LARS2: variants seen among roughly 807,000 people sequenced by gnomAD.
LARS2 encodes leucyl-tRNA synthetase 2, mitochondrial, also known as leucine--tRNA ligase, mitochondrial.
In LARS2, 81 loss-of-function variants were observed where a neutral mutation model predicts 116.6. That is an observed-to-expected ratio of 0.69 (90% CI 0.58 to 0.84). LARS2 has a LOEUF of 0.84. Ranked by LOEUF, LARS2 falls within the 40% of genes least tolerant of loss-of-function variation. LARS2 has a pLI of 0.00. For synonymous variants in LARS2, 396 were observed against 407.2 expected (o/e 0.97, Z 0.33); for missense variants, 968 against 1,114.5 (o/e 0.87, Z 1.87).
At chr3:45,537,021 G>C (rs1426416601) in intron 20 of LARS2, among the ~76,000 whole-genome samples, 3 of 149,934 alleles carry the variant, frequency 2.0e-5, no homozygotes, top group African/African-American at 5.1e-5. Flanking sequence ...TCCTTCTTTT[G>C]CTCTGTGTGT....
chr3:45,528,751 C>A (rs1407287013), intron 20 of LARS2, among the ~76,000 whole-genome samples: 1 of 152,158 alleles, frequency 6.6e-6, no homozygotes, highest in African/African-American at 2.4e-5. Flanking sequence ...TATAGTAGTT[C>A]ATTCCCTTTT....
At chr3:45,451,321 A>G (rs190309504) in intron 7 of LARS2, among the ~76,000 whole-genome samples, 46 of 150,678 alleles carry the variant, frequency 3.1e-4, no homozygotes, top group African/African-American at 1.0e-3. Flanking sequence ...TTATTCTACT[A>G]GTTTCATAGT....
chr3:45,487,689 A>G (rs1251295987), intron 11 of LARS2, among the ~76,000 whole-genome samples: 1 of 152,068 alleles, frequency 6.6e-6, no homozygotes, highest in Non-Finnish European at 1.5e-5. Flanking sequence ...TGCAATGCAA[A>G]AGACAGCCCC....
chr3:45,405,708 C>T (rs1023356787), intron 4 of LARS2, among the ~76,000 whole-genome samples: 1 of 152,158 alleles, frequency 6.6e-6, no homozygotes, highest in Non-Finnish European at 1.5e-5. Context: ...TTAGACCATG[C>T]TGCTATAATA....
intron 6 of LARS2, among the ~76,000 whole-genome samples, chr3:45,423,473 C>T (rs568684420): frequency 2.6e-4 from 40 of 152,170 alleles, no homozygotes; most frequent in African/African-American, 8.7e-4. Context: ...CCACTACACC[C>T]GGCTTCTTTT....
intron 16 of LARS2, among the ~76,000 whole-genome samples, chr3:45,514,066 C>T (rs1036102643): frequency 6.6e-6 from 1 of 151,986 alleles, no homozygotes; most frequent in Non-Finnish European, 1.5e-5. Context: ...ATGAGCCAGG[C>T]GTGGAGGCAT....
At chr3:45,443,172 G>A (rs1406173364) in intron 6 of LARS2, among the ~76,000 whole-genome samples, 1 of 152,176 alleles carries the variant, frequency 6.6e-6, no homozygotes, top group Admixed American at 6.5e-5. Flanking sequence ...CATCACCTCT[G>A]TGGGTACTGA....
At chr3:45,427,026 G>A (rs1387261395) in intron 6 of LARS2, among the ~76,000 whole-genome samples, 1 of 152,104 alleles carries the variant, frequency 6.6e-6, no homozygotes, top group African/African-American at 2.4e-5. Context: ...GTCGCCCCTC[G>A]GAGCCTCAGC....
intron 2 of LARS2, 108 bp from the exon 3 acceptor site, chr3:45,394,325 A>C: frequency 1.6e-6 from 1 of 626,332 alleles, no homozygotes; most frequent in Non-Finnish European, 2.8e-6. Context: ...AATTATTAAA[A>C]GTAAGAGGAA....
At chr3:45,492,946 T>A (rs1244422096) in intron 13 of LARS2, among the ~76,000 whole-genome samples, 1 of 152,148 alleles carries the variant, frequency 6.6e-6, no homozygotes, top group Non-Finnish European at 1.5e-5. Context: ...TCTTTGTTGA[T>A]AAGCGCTGAC....
intron 3 of LARS2, among the ~76,000 whole-genome samples, chr3:45,394,946 G>A (rs993596473): frequency 9.1e-4 from 139 of 152,262 alleles, no homozygotes; most frequent in African/African-American, 3.2e-3. Flanking sequence ...TTTCCAATGT[G>A]GTGGATGCAC....
intron 14 of LARS2, among the ~76,000 whole-genome samples, chr3:45,497,633 ATGG>A (rs1306272284): frequency 1.3e-5 from 2 of 152,086 alleles, no homozygotes; most frequent in East Asian, 3.9e-4. Flanking sequence ...CTTGTCAGGC[ATGG>A]TGGCTCACGC....
chr3:45,534,270 C>T (rs1034074535), intron 20 of LARS2, among the ~76,000 whole-genome samples: 31 of 152,128 alleles, frequency 2.0e-4, no homozygotes, highest in Admixed American at 2.0e-3. Context: ...GGTCATTACT[C>T]ATGGGTATTA....
At chr3:45,425,143 A>G (rs1698573319) in intron 6 of LARS2, among the ~76,000 whole-genome samples, 1 of 152,020 alleles carries the variant, frequency 6.6e-6, no homozygotes, top group Non-Finnish European at 1.5e-5. Flanking sequence ...TAGATCTTAT[A>G]TGTTCAGAAA....
At chr3:45,523,894 T>C in intron 19 of LARS2, 103 bp from the exon 20 acceptor site, 1 of 797,342 alleles carries the variant, frequency 1.3e-6, no homozygotes. Flanking sequence ...GGGGGTTTCT[T>C]CCTACCAGCT....
At chr3:45,436,260 A>G (rs1430763314) in intron 6 of LARS2, among the ~76,000 whole-genome samples, 1 of 152,172 alleles carries the variant, frequency 6.6e-6, no homozygotes, top group African/African-American at 2.4e-5. Flanking sequence ...GAGAACTGGC[A>G]TCACAAAAAC....
At chr3:45,407,011 C>T (rs1431482759) in intron 4 of LARS2, among the ~76,000 whole-genome samples, 1 of 152,188 alleles carries the variant, frequency 6.6e-6, no homozygotes, top group Non-Finnish European at 1.5e-5. Context: ...GTGATAAAAG[C>T]ATCAAGGTGC....
In LARS2 at chr3:45,498,471, G is replaced by A. The variant is rs78083483; in HGVS notation, c.1623-1971G>A. 8.4e-3 allele frequency among the ~76,000 whole-genome samples: 1,275 copies of A among 151,640 alleles called. 9 individuals are homozygous for A. The highest frequency in any genetic ancestry group is 0.014 in the Non-Finnish European group (971 of 67,784). On this transcript the variant is annotated intron_variant, in intron 14 of 21. Transcript: ENST00000645846. ...ATTTCTTTAGGGAACTGTTTTTCAC[G>A]AAGAAAAAAAGTGTTTTTTAAAAAT...
intron 20 of LARS2, among the ~76,000 whole-genome samples, chr3:45,535,904 G>A (rs1700698427): frequency 6.6e-6 from 1 of 152,110 alleles, no homozygotes; most frequent in African/African-American, 2.4e-5. Flanking sequence ...GAGGAGGCTG[G>A]GTGAAGGGTG....
Sources: gnomAD v4.1 joint callset for allele counts (sites outside exome capture counted in the v4.1 genomes callset) on GRCh38, gnomAD v4.1.1 for gene constraint, MANE v1.5 for transcripts, NCBI Gene and HGNC (gene_info 2026-07-23, HGNC 2026-07-21) for gene names.